PCID2: variants seen among roughly 807,000 people sequenced by gnomAD.
The protein encoded by PCID2 is PCI domain containing 2, also known as PCI domain-containing protein 2.
PCID2 carries 41 observed loss-of-function variants against 61.3 expected under a neutral mutation model. The ratio of observed to expected loss-of-function variants is 0.67; its 90% CI spans 0.52 to 0.87. The LOEUF (loss-of-function observed/expected upper bound fraction) is 0.87, where lower values mean the gene tolerates loss of function less well. Among genes scored for constraint, PCID2 ranks in the 40% least tolerant of loss-of-function variants. The pLI, the probability that PCID2 is intolerant of heterozygous loss-of-function variation, is 0.00. For synonymous variants in PCID2, 187 were observed against 177.8 expected (o/e 1.05, Z -0.41); for missense variants, 392 against 493.4 (o/e 0.79, Z 1.95).
the PCID2 span, among the ~76,000 whole-genome samples, chr13:113,169,255 G>A: frequency 5.9e-5 from 9 of 152,190 alleles, no homozygotes; most frequent in African/African-American, 2.2e-4. Flanking sequence ...ATCCTGGCCA[G>A]TGGATGTTTA....
In PCID2 at chr13:113,185,519, A is replaced by T. The variant is rs1344213993; in HGVS notation, c.509T>A (p.Phe170Tyr). The change falls in exon 8 of 14, where the codon TTT becomes TAT. Residue 170 changes from phenylalanine to tyrosine, a missense_variant. Coordinates refer to ENST00000337344, the MANE Select transcript of PCID2 (RefSeq NM_001127202.4). ...IEDSKKWGMLFLVNQLFKIYF... is the reference protein window; with the variant it reads ...IEDSKKWGMLYLVNQLFKIYF... ...GATTTTAAACAGCTGGTTCACCAGA[A>T]ACAGCATGCCCCACTTCTTAGAGTC... 3.1e-6 allele frequency: 5 copies of T among 1,613,282 alleles called. No individual in the cohort carries two copies. Among genetic ancestry groups the T allele is most frequent in the Non-Finnish European group, 4.2e-6 (5 of 1,179,294 alleles).
At chr13:113,197,288 C>A in intron 3 of PCID2, 45 bp from the exon 4 acceptor site, 1 of 1,380,214 alleles carries the variant, frequency 7.2e-7, no homozygotes. Flanking sequence ...AAAAACCTAG[C>A]ACTAGTTATG....
chr13:113,171,212 T>C, the PCID2 span, among the ~76,000 whole-genome samples: 4 of 152,232 alleles, frequency 2.6e-5, no homozygotes, highest in Admixed American at 2.6e-4. This position sits in a 1 kb window ranked among gnomAD's most constrained non-coding sequence, Gnocchi z 5.1. Flanking sequence ...TGTGAGCCAC[T>C]GTGCCTGGCC....
chr13:113,199,743 C>G (rs1233597358), intron 2 of PCID2, among the ~76,000 whole-genome samples: 2 of 152,216 alleles, frequency 1.3e-5, no homozygotes. Flanking sequence ...ACTGTCTACA[C>G]ATAGAATCAC....
intron 1 of PCID2, among the ~76,000 whole-genome samples, chr13:113,204,878 A>G (rs2039691625): frequency 6.6e-6 from 1 of 152,170 alleles, no homozygotes; most frequent in Non-Finnish European, 1.5e-5. Context: ...CAGAGCCTTC[A>G]GCCCTCAATG....
chr13:113,201,781 A>C (rs2039450853), intron 1 of PCID2, among the ~76,000 whole-genome samples: 1 of 143,138 alleles, frequency 7.0e-6, no homozygotes, highest in Non-Finnish European at 1.5e-5. Context: ...GCGCCACTGC[A>C]CTCCAGCCTG....
At chr13:113,200,301 C>G in intron 2 of PCID2, 126 bp downstream of exon 2, 1 of 645,140 alleles carries the variant, frequency 1.6e-6, no homozygotes, top group South Asian at 1.9e-5. Context: ...CATAAAGAAA[C>G]TTTAAAATTT....
At chr13:113,172,005 C>T in the PCID2 span, 35 of 1,613,070 alleles carry the variant, frequency 2.2e-5, no homozygotes, top group African/African-American at 2.7e-5. Context: ...TGGTTTCTCA[C>T]GGGGGTCCTG....
chr13:113,204,722 A>G (rs1462326356), intron 1 of PCID2, among the ~76,000 whole-genome samples: 5 of 152,158 alleles, frequency 3.3e-5, no homozygotes, highest in Non-Finnish European at 7.4e-5. Context: ...CAATGACTAA[A>G]CTGTGAGAAG....
chr13:113,185,994 C>T (rs988424082), intron 7 of PCID2: 3 of 157,266 alleles, frequency 1.9e-5, no homozygotes, highest in African/African-American at 7.2e-5. Context: ...GCACTTCAGC[C>T]TGGGTGACAC....
downstream of PCID2, among the ~76,000 whole-genome samples, chr13:113,174,832 T>TAA (rs2037164002): frequency 6.6e-6 from 1 of 152,168 alleles, no homozygotes; most frequent in South Asian, 2.1e-4. Flanking sequence ...TGGGCAGAGA[T>TAA]TATTAAGTCC....
chr13:113,182,527 G>C (rs2037735569), intron 9 of PCID2, among the ~76,000 whole-genome samples: 1 of 152,108 alleles, frequency 6.6e-6, no homozygotes, highest in Non-Finnish European at 1.5e-5. Context: ...TTGAGATGGA[G>C]TCTTGCTCTG....
chr13:113,204,728 A>C (rs1478683830), intron 1 of PCID2, among the ~76,000 whole-genome samples: 3 of 152,196 alleles, frequency 2.0e-5, no homozygotes, highest in Non-Finnish European at 4.4e-5. Context: ...CTAAACTGTG[A>C]GAAGACTGGG....
chr13:113,184,897 C>G (rs1236897439), intron 8 of PCID2, among the ~76,000 whole-genome samples: 1 of 151,068 alleles, frequency 6.6e-6, no homozygotes, highest in Non-Finnish European at 1.5e-5. Context: ...CGCAGCCCTG[C>G]AGGAGCCCGT....
chr13:113,172,255 G>A, the PCID2 span: 37 of 1,078,934 alleles, frequency 3.4e-5, no homozygotes, highest in African/African-American at 2.2e-4. Flanking sequence ...CAGCAGAGCC[G>A]CCGTTTGCTG....
chr13:113,166,333 G>A, the PCID2 span: 5 of 152,218 alleles, frequency 3.3e-5, no homozygotes, highest in Non-Finnish European at 7.3e-5. Context: ...GGAATCTGGT[G>A]TGAATTTACA....
intron 8 of PCID2, 83 bp downstream of exon 8, chr13:113,185,402 G>T: frequency 1.1e-6 from 1 of 930,208 alleles, no homozygotes; most frequent in Non-Finnish European, 1.8e-6. Flanking sequence ...CGCCAGGGAG[G>T]CTAGCTGATA....
chr13:113,182,892 A>G (rs2037775337), intron 9 of PCID2, among the ~76,000 whole-genome samples: 1 of 152,242 alleles, frequency 6.6e-6, no homozygotes, highest in Non-Finnish European at 1.5e-5. Flanking sequence ...TTGGAGTCAA[A>G]AATATGTAGA....
At chr13:113,165,941 T>C in the PCID2 span, among the ~76,000 whole-genome samples, 1 of 152,268 alleles carries the variant, frequency 6.6e-6, no homozygotes, top group Non-Finnish European at 1.5e-5. Flanking sequence ...CAGCACCTCA[T>C]TCTGGGTCCA....
Sources: gnomAD v4.1 joint callset for allele counts (sites outside exome capture counted in the v4.1 genomes callset) on GRCh38, gnomAD v4.1.1 for gene constraint, Gnocchi (gnomAD v3.1) non-coding constraint, MANE v1.5 for transcripts, NCBI Gene and HGNC (gene_info 2026-07-23, HGNC 2026-07-21) for gene names.